Variants in COL5A1 observed in about 807,000 individuals in gnomAD.
COL5A1 encodes the protein collagen alpha-1(V) chain.
A neutral mutation model predicts 263.7 loss-of-function variants in COL5A1; 16 were observed. The ratio of observed to expected loss-of-function variants is 0.06; its 90% CI spans 0.04 to 0.09. COL5A1 has a LOEUF of 0.09. Ranked by LOEUF, COL5A1 falls within the 10% of genes least tolerant of loss-of-function variation. The probability of loss-of-function intolerance (pLI) is 1.00; values close to 1 mark genes in which losing one functional copy is unlikely to be tolerated. For missense variants in COL5A1, 2,036 were observed against 2,540.5 expected (o/e 0.80, Z 4.27); for synonymous variants, 1,012 against 1,004.5 (o/e 1.01, Z -0.14).
rs561054935 is a variant in COL5A1 at position 134,761,883 on chromosome 9, A to C, written c.1936-42A>C. The C allele has an allele frequency of 6.2e-6, 10 of 1,603,990 alleles. No individual in the cohort carries two copies. In the African/African-American group the frequency reaches 1.3e-4, roughly 21 times the overall value. ...TGGGACCTTGGACAAGCCCTGCATG[A>C]CCTGCTCAGGAGAGGCTGACGTTGA... On this transcript the variant is annotated intron_variant, in intron 18 of 65. Transcript: ENST00000371817.
intron 65 of COL5A1, among the ~76,000 whole-genome samples, chr9:134,835,565 T>TC (rs1839824029): frequency 6.6e-6 from 1 of 152,204 alleles, no homozygotes; most frequent in South Asian, 2.1e-4. Context: ...TGGACAGGGC[T>TC]CTTCTGGGAG....
At position 134,819,908 on chromosome 9, in the gene COL5A1, AGAC is replaced by A. The variant is rs566300360; in HGVS notation, c.4447-206_4447-204del. ...TGTCTGTGGCTCCCTGTCTGTTTTT[AGAC>A]GTGACTGTGGCCAGCGAAGGGCCAC... is the stretch of plus-strand genomic sequence containing the variant. On this transcript the variant is annotated intron_variant, in intron 57 of 65. Transcript: ENST00000371817. Among the ~76,000 whole-genome samples, 81 of 152,280 alleles carry A rather than the reference AGAC, an allele frequency of 5.3e-4. 2 individuals are homozygous for A. The Middle Eastern group carries it at 0.02, about 38-fold the overall frequency.
intron 6 of COL5A1, among the ~76,000 whole-genome samples, chr9:134,729,170 G>C (rs1346410541): frequency 6.6e-6 from 1 of 152,202 alleles, no homozygotes; most frequent in Non-Finnish European, 1.5e-5. Flanking sequence ...GGAGAGGAGA[G>C]AGGAGAGCTC....
intron 9 of COL5A1, among the ~76,000 whole-genome samples, chr9:134,737,341 T>C (rs1835139959): frequency 1.3e-5 from 2 of 152,306 alleles, no homozygotes; most frequent in South Asian, 4.1e-4. Flanking sequence ...TGCTGGAGCC[T>C]TGGCTGGGCG....
In COL5A1 at chr9:134,677,603, T is replaced by TG. The variant is rs1832716561; in HGVS notation, c.110-13307dup. Among the ~76,000 whole-genome samples, 1 of 152,186 alleles carries TG rather than the reference T, an allele frequency of 6.6e-6. No individual in the cohort carries two copies. The highest frequency in any genetic ancestry group is 1.5e-5 in the Non-Finnish European group (1 of 68,016). The stretch of plus-strand genomic sequence containing the variant: ...TGACATTCCTTCCCCCATCACTCCT[T>TG]GGCACAGCCACCCTTCATCCAGCCG... On this transcript the variant is annotated intron_variant, in intron 1 of 65. Transcript: ENST00000371817. The surrounding 1 kb of genome is among the most constrained non-coding windows in gnomAD (Gnocchi z 4.4).
chr9:134,732,017 T>A (rs1424818051), intron 8 of COL5A1, 54 bp from the exon 9 acceptor site: 10 of 1,601,018 alleles, frequency 6.2e-6, no homozygotes, highest in African/African-American at 4.0e-5. Context: ...ATCTGGACTT[T>A]CTTTCTCACT....
At position 134,816,712 on chromosome 9, in the gene COL5A1, G is replaced by T. The variant is rs559693566; in HGVS notation, c.4123-314G>T. On this transcript the variant is annotated intron_variant, in intron 52 of 65. Coordinates refer to ENST00000371817, the MANE Select transcript of COL5A1 (RefSeq NM_000093.5). The stretch of plus-strand genomic sequence containing the variant: ...TTCTTGTCCCCCCTTCTGTGAAAGG[G>T]GATGCCAGTGCCTCGTCCCTGCCCA... Among the ~76,000 whole-genome samples, 88 of 152,346 alleles carry T rather than the reference G, an allele frequency of 5.8e-4. 2 individuals are homozygous for T. The South Asian group carries it at 0.017, about 29-fold the overall frequency.
rs1460535620 is a variant in COL5A1, at chr9:134,682,528, A to G, written c.110-8384A>G. ...AATGAGATAAGGAGATAAAGATGAT[A>G]CTAGAATCCTACCACACTGCCTGGT... On this transcript the variant is annotated intron_variant, in intron 1 of 65. Coordinates refer to ENST00000371817, the MANE Select transcript of COL5A1 (RefSeq NM_000093.5). The surrounding 1 kb of genome is among the most constrained non-coding windows in gnomAD (Gnocchi z 5.1). Among the ~76,000 whole-genome samples, 1 of 152,164 alleles carries G rather than the reference A, an allele frequency of 6.6e-6. No individual in the cohort carries two copies. Among genetic ancestry groups the G allele is most frequent in the African/African-American group, 2.4e-5 (1 of 41,440 alleles).
chr9:134,747,480 C>T (rs1306140286), intron 11 of COL5A1, among the ~76,000 whole-genome samples: 1 of 149,762 alleles, frequency 6.7e-6, no homozygotes, highest in Non-Finnish European at 1.5e-5. Flanking sequence ...CATGCATACA[C>T]ACATGCATTC....
At chr9:134,774,936 A>G (rs776234322) in intron 27 of COL5A1, 24 bp downstream of exon 27, 2 of 1,610,564 alleles carry the variant, frequency 1.2e-6, no homozygotes, top group Admixed American at 3.4e-5. Flanking sequence ...ACGCCACTCC[A>G]GGTCGTCCTG....
At chr9:134,799,392 C>G (rs1227499754) in intron 37 of COL5A1, among the ~76,000 whole-genome samples, 1 of 152,230 alleles carries the variant, frequency 6.6e-6, no homozygotes, top group Non-Finnish European at 1.5e-5. Context: ...GGGTGACTTC[C>G]TCGTCACCAC....
chr9:134,805,077 C>G lies in COL5A1; in HGVS notation c.3204+13C>G. ...TCCTGGTCCAGTGGTGAGTGAGAGG[C>G]CAGGCGGGGAATGAAATGGGACAGG... is the stretch of plus-strand genomic sequence containing the variant. On this transcript the variant is annotated intron_variant, in intron 40 of 65. Transcript: ENST00000371817. The G allele has an allele frequency of 1.9e-6, 3 of 1,613,786 alleles. No individual in the cohort carries two copies. The highest frequency in any genetic ancestry group is 2.5e-6 in the Non-Finnish European group (3 of 1,179,802).
rs572888578 is a variant in COL5A1, at chr9:134,759,578, A to C, written c.1935+1282A>C. Reference sequence around the variant, plus strand: ...TCATACACACATGCACACACCACACACCCCCACACATGCATACACCCCCAC... The same window carrying C: ...TCATACACACATGCACACACCACACCCCCCCACACATGCATACACCCCCAC... On this transcript the variant is annotated intron_variant, in intron 18 of 65. Transcript: ENST00000371817. Among the ~76,000 whole-genome samples, 24 of 116,280 alleles carry C rather than the reference A, an allele frequency of 2.1e-4. 1 individual carries two copies. The highest frequency in any genetic ancestry group is 6.3e-3 in the Middle Eastern group (1 of 158). The allele number at this position is 116,280 out of a possible 152,430, so 76.3% of individuals were successfully genotyped here. A position where few individuals can be genotyped will look rare whatever the true frequency, so the allele number is the denominator to read the frequency against.
In COL5A1 at chr9:134,823,454, A is replaced by C. The variant is rs149959668; in HGVS notation, c.4683A>C (p.Gly1561=). ...TGPKGEAGHP[G]PPGPPGPPGE... is the part of the protein sequence containing the mutation. ...CGAAGGGTGAGGCAGGCCACCCAGG[A>C]CCCCCAGGCCCCCCGGTAAGTAGCC... is the stretch of plus-strand genomic sequence containing the variant. Residue 1561 remains glycine, a synonymous_variant, in exon 61 of 66, where the codon GGA becomes GGC. Transcript: ENST00000371817. 1.0e-3 allele frequency: 1,680 copies of C among 1,613,952 alleles called. 37 individuals carry two copies. The East Asian group carries it at 0.033, about 32-fold the overall frequency.
intron 4 of COL5A1, among the ~76,000 whole-genome samples, chr9:134,704,528 T>C (rs1833776512): frequency 6.6e-6 from 1 of 152,164 alleles, no homozygotes; most frequent in South Asian, 2.1e-4. Flanking sequence ...AGGCTTCTGG[T>C]CGAACGGTAA....
At chr9:134,694,003 T>G (rs1433021395) in intron 2 of COL5A1, among the ~76,000 whole-genome samples, 1 of 151,842 alleles carries the variant, frequency 6.6e-6, no homozygotes, top group African/African-American at 2.4e-5. Flanking sequence ...GTTGTAGAGG[T>G]AGAAGAGAGG....
At chr9:134,706,308 C>T (rs986006292) in intron 4 of COL5A1, among the ~76,000 whole-genome samples, 3 of 152,192 alleles carry the variant, frequency 2.0e-5, no homozygotes, top group Admixed American at 2.0e-4. Context: ...AGGCCCAGGA[C>T]CACCGTGCAG....
At chr9:134,767,142 C>G in intron 23 of COL5A1, 89 bp downstream of exon 23, 1 of 1,495,874 alleles carries the variant, frequency 6.7e-7, no homozygotes, top group South Asian at 1.2e-5. Context: ...AAGCGGGGAG[C>G]TCTGTCCCCT....
At chr9:134,701,365 C>T (rs1478599487) in intron 4 of COL5A1, 32 bp downstream of exon 4, 9 of 1,605,716 alleles carry the variant, frequency 5.6e-6, no homozygotes, top group African/African-American at 1.3e-5. Flanking sequence ...CCCCTGTGCC[C>T]ACCAGGGCAC....
Sources: allele counts gnomAD v4.1 joint callset (sites outside exome capture counted in the v4.1 genomes callset), GRCh38; gene constraint gnomAD v4.1.1; non-coding constraint Gnocchi (gnomAD v3.1); transcripts MANE v1.5; gene names NCBI Gene and HGNC (gene_info 2026-07-23, HGNC 2026-07-21).